LRFN5: variants seen among roughly 807,000 people sequenced by gnomAD.
LRFN5 encodes leucine-rich repeat and fibronectin type-III domain-containing protein 5.
LRFN5 carries 24 observed loss-of-function variants against 45.6 expected under a neutral mutation model. That is an observed-to-expected ratio of 0.53 (90% CI 0.38 to 0.74). LRFN5 has a LOEUF of 0.74. Ranked by LOEUF, LRFN5 falls within the 30% of genes least tolerant of loss-of-function variation. LRFN5 has a pLI of 0.00. For synonymous variants in LRFN5, 340 were observed against 313.8 expected, an observed-to-expected ratio of 1.08 and a Z score of -0.88; for missense variants, 776 against 861.5, an observed-to-expected ratio of 0.90 and a Z score of 1.24.
At chr14:41,861,976 G>A (rs1468897757) in intron 2 of LRFN5, among the ~76,000 whole-genome samples, 8 of 151,960 alleles carry the variant, frequency 5.3e-5, no homozygotes, top group African/African-American at 1.5e-4. Context: ...TCATGCGGGC[G>A]GTTTGTTCCA....
chr14:41,855,953 CTTTAT>C (rs1464725738), intron 2 of LRFN5, among the ~76,000 whole-genome samples: 3 of 152,168 alleles, frequency 2.0e-5, no homozygotes, highest in African/African-American at 7.2e-5. Flanking sequence ...ATCAATAATT[CTTTAT>C]TTTAAAGTAT....
chr14:41,849,638 G>A (rs1889196025), intron 2 of LRFN5, among the ~76,000 whole-genome samples: 2 of 151,906 alleles, frequency 1.3e-5, no homozygotes, highest in Admixed American at 1.3e-4. Context: ...CACCATATCT[G>A]TGAAGATTTC....
At chr14:41,724,232 A>G (rs757641321) in intron 1 of LRFN5, among the ~76,000 whole-genome samples, 66 of 152,260 alleles carry the variant, frequency 4.3e-4, no homozygotes, top group Non-Finnish European at 5.9e-4. Context: ...ATCTGTATGC[A>G]CTATCTTGCT....
chr14:41,675,178 G>A (rs1409314877), intron 1 of LRFN5, among the ~76,000 whole-genome samples: 6 of 152,280 alleles, frequency 3.9e-5, no homozygotes, highest in Admixed American at 3.3e-4. Context: ...AGGCAGAGAC[G>A]CTCCTCACTT....
intron 2 of LRFN5, among the ~76,000 whole-genome samples, chr14:41,774,067 T>C (rs1488843270): frequency 6.6e-6 from 1 of 152,182 alleles, no homozygotes; most frequent in East Asian, 1.9e-4. Context: ...GAATAAATGC[T>C]CTTCTTTATG....
At chr14:41,614,583 A>G (rs1220286696) in intron 1 of LRFN5, among the ~76,000 whole-genome samples, 1 of 152,014 alleles carries the variant, frequency 6.6e-6, no homozygotes, top group Non-Finnish European at 1.5e-5. Flanking sequence ...GTAGTAGGAG[A>G]GAGAGAAGAA....
chr14:41,707,606 T>C (rs1333365905), intron 1 of LRFN5, among the ~76,000 whole-genome samples: 2 of 152,138 alleles, frequency 1.3e-5, no homozygotes, highest in Non-Finnish European at 2.9e-5. Context: ...TACTAAAATA[T>C]ACTTCTGGAC....
At chr14:41,684,292 A>G (rs1201901076) in intron 1 of LRFN5, among the ~76,000 whole-genome samples, 1 of 152,176 alleles carries the variant, frequency 6.6e-6, no homozygotes. Context: ...TCACACCGCT[A>G]TAAAGAGCTG....
chr14:41,648,600 T>G (rs1325064603), intron 1 of LRFN5, among the ~76,000 whole-genome samples: 2 of 152,140 alleles, frequency 1.3e-5, no homozygotes, highest in Non-Finnish European at 2.9e-5. Flanking sequence ...TTAATAAAAC[T>G]GTAAGTATTT....
chr14:41,801,144 T>C (rs1346309434), intron 2 of LRFN5, among the ~76,000 whole-genome samples: 1 of 152,078 alleles, frequency 6.6e-6, no homozygotes, highest in Non-Finnish European at 1.5e-5. Flanking sequence ...TGAAGCCTGG[T>C]ATAATTTAAA....
rs1321643093 is a variant in LRFN5, at chr14:41,613,547, A to G, written c.-197+4985A>G. On this transcript the variant is annotated intron_variant, in intron 1 of 5. Coordinates refer to ENST00000298119, the MANE Select transcript of LRFN5 (RefSeq NM_152447.5). ...TTTATTGCTCTAAAAAATCTTCCCAACAAATATTTCGAAAATGGCATTATA... is the reference window on the plus strand; with the variant it reads ...TTTATTGCTCTAAAAAATCTTCCCAGCAAATATTTCGAAAATGGCATTATA... 3.9e-5 allele frequency among the ~76,000 whole-genome samples: 6 copies of G among 152,144 alleles called. No individual in the cohort carries two copies. The South Asian group carries it at 8.3e-4, about 21-fold the overall frequency.
At chr14:41,883,482 T>A (rs552668983) in intron 2 of LRFN5, among the ~76,000 whole-genome samples, 171 of 152,312 alleles carry the variant, frequency 1.1e-3, no homozygotes, top group Middle Eastern at 0.01. Context: ...TCCTTTACAT[T>A]TTCATATAAG....
intron 1 of LRFN5, among the ~76,000 whole-genome samples, chr14:41,656,462 T>C (rs1357326921): frequency 6.6e-6 from 1 of 151,936 alleles, no homozygotes; most frequent in Non-Finnish European, 1.5e-5. Flanking sequence ...CAGTTTGAGA[T>C]TTATTGAGAC....
intron 2 of LRFN5, among the ~76,000 whole-genome samples, chr14:41,786,126 T>C (rs1289931690): frequency 6.6e-6 from 1 of 152,166 alleles, no homozygotes; most frequent in Non-Finnish European, 1.5e-5. Flanking sequence ...CTTCTATGTA[T>C]GTTATAAACT....
intron 2 of LRFN5, among the ~76,000 whole-genome samples, chr14:41,845,862 AAGTT>A (rs1255041178): frequency 6.6e-6 from 1 of 152,164 alleles, no homozygotes; most frequent in Non-Finnish European, 1.5e-5. Flanking sequence ...CTACTTCTGA[AAGTT>A]AGTTAATTAA....
At chr14:41,630,204 T>C (rs908603709) in intron 1 of LRFN5, among the ~76,000 whole-genome samples, 1 of 152,070 alleles carries the variant, frequency 6.6e-6, no homozygotes, top group Non-Finnish European at 1.5e-5. Context: ...AAAACTTTTA[T>C]CAATAAAGAA....
chr14:41,761,464 C>T (rs903771149), intron 1 of LRFN5, among the ~76,000 whole-genome samples: 2 of 152,118 alleles, frequency 1.3e-5, no homozygotes, highest in Admixed American at 6.5e-5. Flanking sequence ...AAGAGATAAA[C>T]TGACATACAT....
chr14:41,755,025 C>T (rs1011404784), intron 1 of LRFN5, among the ~76,000 whole-genome samples: 22 of 152,042 alleles, frequency 1.4e-4, no homozygotes, highest in African/African-American at 5.1e-4. Context: ...GTTATGTACC[C>T]GGTAGTCATT....
intron 1 of LRFN5, among the ~76,000 whole-genome samples, chr14:41,614,827 A>C (rs1950838): frequency 2.0e-5 from 3 of 151,698 alleles, no homozygotes; most frequent in Non-Finnish European, 4.4e-5. Flanking sequence ...ACTGTTATTA[A>C]CATTATCACC....
Sources: allele counts gnomAD v4.1 joint callset (sites outside exome capture counted in the v4.1 genomes callset), GRCh38; gene constraint gnomAD v4.1.1; transcripts MANE v1.5; gene names NCBI Gene and HGNC (gene_info 2026-07-23, HGNC 2026-07-21).